Variants in DHDDS observed in about 807,000 individuals in gnomAD.
DHDDS encodes dehydrodolichyl diphosphate synthase complex subunit DHDDS.
Under a neutral mutation model 46.2 loss-of-function variants are expected in DHDDS, and 16 were observed. That is an observed-to-expected ratio of 0.35 (90% CI 0.23 to 0.53). The LOEUF (loss-of-function observed/expected upper bound fraction) is 0.53, where lower values mean the gene tolerates loss of function less well. Ranked by LOEUF, DHDDS falls within the 20% of genes least tolerant of loss-of-function variation. The pLI, the probability that DHDDS is intolerant of heterozygous loss-of-function variation, is 0.94. For missense variants in DHDDS, 340 were observed against 423.7 expected, an observed-to-expected ratio of 0.80 and a Z score of 1.73; for synonymous variants, 151 against 163.1, an observed-to-expected ratio of 0.93 and a Z score of 0.56.
rs374219594 is a variant in DHDDS, at chr1:26,451,589, A to G, written c.542+3929A>G. On this transcript the variant is annotated intron_variant, in intron 6 of 8. Transcript: ENST00000236342. ...TCGTGCTTCAGCCTCCTGAGTAGCCAGGATTATAGGTGCACACCACCACAC... is the reference window on the plus strand; with the variant it reads ...TCGTGCTTCAGCCTCCTGAGTAGCCGGGATTATAGGTGCACACCACCACAC... Among the ~76,000 whole-genome samples the G allele has an allele frequency of 9.3e-5, 14 of 150,264 alleles. No homozygotes were observed. In the East Asian group the frequency reaches 1.6e-3, roughly 17 times the overall value.
chr1:26,444,076 A>G (rs539433836), intron 4 of DHDDS, among the ~76,000 whole-genome samples: 24 of 152,276 alleles, frequency 1.6e-4, no homozygotes, highest in African/African-American at 5.5e-4. Context: ...CATCTACTAC[A>G]CTGTGCTCTG....
intron 3 of DHDDS, among the ~76,000 whole-genome samples, chr1:26,439,324 T>A (rs1223733581): frequency 6.6e-6 from 1 of 152,188 alleles, no homozygotes; most frequent in African/African-American, 2.4e-5. Context: ...GGATCTGATA[T>A]AATTTAACTG....
intron 8 of DHDDS, among the ~76,000 whole-genome samples, chr1:26,467,767 T>C (rs909836602): frequency 6.6e-6 from 1 of 152,082 alleles, no homozygotes; most frequent in African/African-American, 2.4e-5. Context: ...CATAGGAAAA[T>C]AGAGTTTCTC....
At chr1:26,467,248 G>C (rs774670581) in intron 8 of DHDDS, 1 of 450,886 alleles carries the variant, frequency 2.2e-6, no homozygotes, top group East Asian at 7.2e-5. Flanking sequence ...TGCTGGGATC[G>C]TGTCCTGCGC....
In DHDDS at chr1:26,451,276, T is replaced by G. The variant is rs989216350; in HGVS notation, c.542+3616T>G. ...TATATTATTCGAATTTAGACAAACC[T>G]GCATTTATAACAAAGTCAGTGCGTT... is the stretch of plus-strand genomic sequence containing the variant. On this transcript the variant is annotated intron_variant, in intron 6 of 8. Transcript: ENST00000236342. Among the ~76,000 whole-genome samples the G allele has an allele frequency of 2.3e-4, 35 of 152,296 alleles. No individual in the cohort carries two copies. The South Asian group carries it at 3.5e-3, about 15-fold the overall frequency.
intron 8 of DHDDS, among the ~76,000 whole-genome samples, chr1:26,463,643 A>G (rs928013438): frequency 1.3e-5 from 2 of 151,912 alleles, no homozygotes; most frequent in Non-Finnish European, 2.9e-5. Flanking sequence ...AGTGGCTGGG[A>G]TTACAGGCAT....
At chr1:26,467,464 G>C in intron 8 of DHDDS, 2 of 400,080 alleles carry the variant, frequency 5.0e-6, no homozygotes, top group South Asian at 3.5e-5. Context: ...GGGGGGGACA[G>C]TCCAGAATTC....
rs562609163 is a variant in DHDDS at position 26,451,777 on chromosome 1, T to C, written c.542+4117T>C. ...CTGAGTAACTGGGACTACAGGCGCC[T>C]GCCACCCCGCCTGGCTAATTTTTTT... On this transcript the variant is annotated intron_variant, in intron 6 of 8. Transcript: ENST00000236342. Among the ~76,000 whole-genome samples, 281 of 152,102 alleles carry C rather than the reference T, an allele frequency of 1.8e-3. 1 individual carries two copies. The highest frequency in any genetic ancestry group is 3.3e-3 in the Non-Finnish European group (225 of 67,972).
chr1:26,447,967 A>G, intron 6 of DHDDS: 1 of 575,024 alleles, frequency 1.7e-6, no homozygotes. Context: ...GGATTGGCTT[A>G]TTACAACCTG....
chr1:26,450,827 G>A (rs2075312039), intron 6 of DHDDS, among the ~76,000 whole-genome samples: 1 of 152,134 alleles, frequency 6.6e-6, no homozygotes, highest in African/African-American at 2.4e-5. Flanking sequence ...TCTTAGTTTG[G>A]AGGTACTTTC....
intron 6 of DHDDS, 97 bp from the exon 7 acceptor site, chr1:26,457,694 C>A (rs1570356876): frequency 1.1e-6 from 1 of 901,984 alleles, no homozygotes; most frequent in Non-Finnish European, 1.8e-6. Flanking sequence ...ATTGTATAAA[C>A]TGAGAAGCCT....
At chr1:26,438,396 CTG>C in intron 3 of DHDDS, 112 bp downstream of exon 3, 3 of 1,001,158 alleles carry the variant, frequency 3.0e-6, no homozygotes, top group Non-Finnish European at 4.7e-6. Flanking sequence ...GTATCTGTCT[CTG>C]TGTTTTATTG....
chr1:26,438,179 G>A lies in DHDDS; in HGVS notation c.75G>A (p.Met25Ile). The A allele has an allele frequency of 6.2e-7, 1 of 1,613,868 alleles. No homozygotes were observed. The highest frequency in any genetic ancestry group is 8.5e-7 in the Non-Finnish European group (1 of 1,179,818). ...TTCCTATTCCACAGGCAGGCCCAAT[G>A]CCGAAACACATTGCATTCATAATGG... ...FCANIIKAGP[M>I]PKHIAFIMDG... The change falls in exon 3 of 9, where the codon ATG becomes ATA. Residue 25 changes from methionine (M) to isoleucine (I), a missense_variant. Transcript: ENST00000236342.
chr1:26,451,955 C>T (rs1188159307), intron 6 of DHDDS, among the ~76,000 whole-genome samples: 10 of 151,954 alleles, frequency 6.6e-5, no homozygotes, highest in Non-Finnish European at 1.2e-4. Flanking sequence ...CCATGTTGAC[C>T]AGGCTGATCT....
chr1:26,468,807 C>CA, intron 8 of DHDDS, 88 bp from the exon 9 acceptor site: 10 of 1,186,206 alleles, frequency 8.4e-6, no homozygotes, highest in South Asian at 1.4e-5. Context: ...TTGGCCCACC[C>CA]TGTGCCCCAC....
At chr1:26,458,702 C>T (rs1266648370) in intron 7 of DHDDS, among the ~76,000 whole-genome samples, 1 of 143,930 alleles carries the variant, frequency 6.9e-6, no homozygotes, top group African/African-American at 2.6e-5. Flanking sequence ...CGTGCCACTG[C>T]ACTCCAGCCT....
chr1:26,438,098 G>T (rs1297630238), intron 2 of DHDDS, 70 bp from the exon 3 acceptor site: 9 of 1,502,428 alleles, frequency 6.0e-6, no homozygotes, highest in Non-Finnish European at 8.3e-6. Context: ...ATATCACCTT[G>T]GGGTGTAGTG....
In DHDDS at chr1:26,460,152, A is replaced by G. The variant is rs1416722876; in HGVS notation, c.765+8A>G. On this transcript the variant is annotated splice_region_variant and intron_variant, in intron 8 of 8. Transcript: ENST00000236342. The stretch of plus-strand genomic sequence containing the variant: ...AACCATAGCGTGCTTCAGGTAAGAA[A>G]GAGTTCAGGGCTGGCCAGATGGGAT... The G allele has an allele frequency of 2.5e-6, 4 of 1,607,384 alleles. No homozygotes were observed. The Admixed American group carries it at 6.7e-5, about 27-fold the overall frequency.
chr1:26,438,494 C>T lies in DHDDS; in HGVS notation c.180+210C>T, dbSNP rs2075184315. On this transcript the variant is annotated intron_variant, in intron 3 of 8. Coordinates refer to ENST00000236342, the MANE Select transcript of DHDDS (RefSeq NM_205861.3). The stretch of plus-strand genomic sequence containing the variant: ...AATCCCACACTTTGGGAGGCCAAGG[C>T]AGGAGGATTGCTTGAGCCCAGGGGT... 9 of 522,396 alleles carry T rather than the reference C, an allele frequency of 1.7e-5. 1 individual carries two copies. Among genetic ancestry groups the T allele is most frequent in the South Asian group, 1.7e-4 (9 of 52,600 alleles). The allele number at this position is 522,396 out of a possible 1,614,324, so 32.4% of individuals were successfully genotyped here. A position where few individuals can be genotyped will look rare whatever the true frequency, so the allele number is the denominator to read the frequency against.
Sources: gnomAD v4.1 joint callset for allele counts (sites outside exome capture counted in the v4.1 genomes callset) on GRCh38, gnomAD v4.1.1 for gene constraint, MANE v1.5 for transcripts, NCBI Gene and HGNC (gene_info 2026-07-23, HGNC 2026-07-21) for gene names.